LAMA2: variants seen among roughly 807,000 people sequenced by gnomAD.
The protein encoded by LAMA2 is laminin subunit alpha-2.
LAMA2 carries 269 observed loss-of-function variants against 364.8 expected under a neutral mutation model. The observed-to-expected ratio is 0.74, with a 90% CI of 0.67 to 0.82. The LOEUF (loss-of-function observed/expected upper bound fraction) is 0.82. Among genes scored for constraint, LAMA2 ranks in the 40% least tolerant of loss-of-function variants. The pLI, the probability that LAMA2 is intolerant of heterozygous loss-of-function variation, is 0.00. For missense variants in LAMA2, 3,807 were observed against 3,873.2 expected, an observed-to-expected ratio of 0.98 and a Z score of 0.45; for synonymous variants, 1,379 against 1,370.6, an observed-to-expected ratio of 1.01 and a Z score of -0.14.
At chr6:129,429,450 G>A (rs1042474092) in intron 41 of LAMA2, among the ~76,000 whole-genome samples, 34 of 152,130 alleles carry the variant, frequency 2.2e-4, no homozygotes, top group Admixed American at 7.2e-4. Context: ...AAGAGAAGAG[G>A]TTTTAAAATC....
chr6:129,165,687 A>G lies in LAMA2; in HGVS notation c.1306+12A>G. The G allele has an allele frequency of 1.3e-6, 2 of 1,523,272 alleles. No homozygotes were observed. Among genetic ancestry groups the G allele is most frequent in the Admixed American group, 3.4e-5 (2 of 59,598 alleles). 94.4% of individuals were successfully genotyped at this position (1,523,272 alleles called of 1,614,324 possible). A position where few individuals can be genotyped will look rare whatever the true frequency, so the allele number is the denominator to read the frequency against. Reference sequence around the variant, plus strand: ...ACATGCTCGACGAGGTGAGAGCTGCAGCAGAATGTCACTGCTCTGATAAAA... The same window carrying G: ...ACATGCTCGACGAGGTGAGAGCTGCGGCAGAATGTCACTGCTCTGATAAAA... On this transcript the variant is annotated intron_variant, in intron 9 of 64. Coordinates refer to ENST00000421865, the MANE Select transcript of LAMA2 (RefSeq NM_000426.4).
intron 7 of LAMA2, among the ~76,000 whole-genome samples, chr6:129,151,752 A>G (rs1030659331): frequency 1.3e-5 from 2 of 152,132 alleles, no homozygotes; most frequent in African/African-American, 2.4e-5. Context: ...CTCACTCACT[A>G]TCATGAGGAC....
At chr6:129,130,008 G>C (rs1457625331) in intron 4 of LAMA2, among the ~76,000 whole-genome samples, 1 of 152,086 alleles carries the variant, frequency 6.6e-6, no homozygotes, top group Non-Finnish European at 1.5e-5. Flanking sequence ...TAGCTGTTAG[G>C]AGGAAGCATT....
chr6:129,384,301 A>AAAC (rs1002094997), intron 35 of LAMA2, among the ~76,000 whole-genome samples: 7 of 152,086 alleles, frequency 4.6e-5, no homozygotes, highest in African/African-American at 1.4e-4. Flanking sequence ...CTCCAACCCA[A>AAAC]AACAACAACA....
At chr6:129,111,535 C>T (rs1776157108) in intron 4 of LAMA2, among the ~76,000 whole-genome samples, 1 of 151,844 alleles carries the variant, frequency 6.6e-6, no homozygotes, top group African/African-American at 2.4e-5. Context: ...TGGGAAATTG[C>T]CAATATTTGA....
chr6:129,515,480 T>C (rs1173680808), intron 64 of LAMA2, among the ~76,000 whole-genome samples: 2 of 152,182 alleles, frequency 1.3e-5, no homozygotes, highest in African/African-American at 2.4e-5. Flanking sequence ...TCTATGATAA[T>C]GGGATCCTAA....
In LAMA2 at chr6:129,502,804, C is replaced by T. The variant is rs368010830; in HGVS notation, c.8357+33C>T. 94 of 1,343,648 alleles carry T rather than the reference C, an allele frequency of 7.0e-5. No homozygotes were observed. The African/African-American group carries it at 9.3e-4, about 13-fold the overall frequency. The allele number at this position is 1,343,648 out of a possible 1,614,324, so 83.2% of individuals were successfully genotyped here. A position where few individuals can be genotyped will look rare whatever the true frequency, so the allele number is the denominator to read the frequency against. ...TCATCCTGAGACACTGGGAAAGAAC[C>T]GATAAATGAAGAACTGAGTATTTGT... On this transcript the variant is annotated intron_variant, in intron 59 of 64. Coordinates refer to ENST00000421865, the MANE Select transcript of LAMA2 (RefSeq NM_000426.4).
intron 10 of LAMA2, among the ~76,000 whole-genome samples, chr6:129,185,108 C>T (rs1450097499): frequency 6.6e-6 from 1 of 151,768 alleles, no homozygotes; most frequent in African/African-American, 2.4e-5. Flanking sequence ...ATTCCTGAAG[C>T]AATTATCACA....
chr6:129,411,481 A>G (rs934233113), intron 40 of LAMA2, among the ~76,000 whole-genome samples: 1 of 152,240 alleles, frequency 6.6e-6, no homozygotes, highest in Non-Finnish European at 1.5e-5. Flanking sequence ...AAAAAATAAC[A>G]TTATACAGAA....
intron 53 of LAMA2, among the ~76,000 whole-genome samples, chr6:129,476,539 G>GTAA (rs1326185563): frequency 1.3e-5 from 2 of 152,096 alleles, no homozygotes; most frequent in African/African-American, 4.8e-5. Context: ...TTTATCCCCT[G>GTAA]TAATTGTCCT....
chr6:129,075,095 T>C (rs1011206281), intron 3 of LAMA2, among the ~76,000 whole-genome samples: 2 of 152,154 alleles, frequency 1.3e-5, no homozygotes, highest in African/African-American at 2.4e-5. Context: ...CATAAGATTA[T>C]AATAAGATTA....
At chr6:129,192,146 A>C (rs1781554563) in intron 11 of LAMA2, among the ~76,000 whole-genome samples, 1 of 152,226 alleles carries the variant, frequency 6.6e-6, no homozygotes, top group South Asian at 2.1e-4. Context: ...TAGAAATTTT[A>C]AAAAGTGGGA....
intron 58 of LAMA2, among the ~76,000 whole-genome samples, chr6:129,499,156 T>C (rs1785427751): frequency 6.6e-6 from 1 of 152,200 alleles, no homozygotes; most frequent in Admixed American, 6.5e-5. Context: ...TCTGTCCTCC[T>C]TTCATATCCC....
chr6:129,019,687 A>G (rs1327758160), intron 1 of LAMA2, among the ~76,000 whole-genome samples: 1 of 152,074 alleles, frequency 6.6e-6, no homozygotes, highest in African/African-American at 2.4e-5. Context: ...CTTCTTTTCC[A>G]TGAGGGACTA....
chr6:129,378,559 G>A (rs558480631), intron 34 of LAMA2, among the ~76,000 whole-genome samples: 2 of 152,310 alleles, frequency 1.3e-5, no homozygotes, highest in Non-Finnish European at 1.5e-5. Context: ...TTTGAAATGT[G>A]TTAATTGACT....
chr6:129,411,778 G>A (rs1158907404), intron 40 of LAMA2, among the ~76,000 whole-genome samples: 1 of 152,054 alleles, frequency 6.6e-6, no homozygotes, highest in Non-Finnish European at 1.5e-5. Flanking sequence ...CAAAAGGAAT[G>A]TGAACAAAAT....
At chr6:129,451,555 C>T (rs1250019170) in intron 45 of LAMA2, among the ~76,000 whole-genome samples, 1 of 152,192 alleles carries the variant, frequency 6.6e-6, no homozygotes, top group Non-Finnish European at 1.5e-5. Context: ...ACACAGTGTC[C>T]TCTTCATGGA....
intron 40 of LAMA2, among the ~76,000 whole-genome samples, chr6:129,410,714 TTAGATAGATAGATAGA>T (rs36203052): frequency 2.0e-4 from 30 of 150,412 alleles, no homozygotes; most frequent in South Asian, 4.2e-4. Context: ...GATAGACAGA[TTAGATAGATAGATAGA>T]TAGATAGATA....
intron 28 of LAMA2, among the ~76,000 whole-genome samples, chr6:129,327,493 T>G (rs80128242): frequency 3.3e-5 from 5 of 152,166 alleles, no homozygotes; most frequent in African/African-American, 1.2e-4. Context: ...TACCTTTTAT[T>G]CATAAATCAA....
Sources: gnomAD v4.1 joint callset for allele counts (sites outside exome capture counted in the v4.1 genomes callset) on GRCh38, gnomAD v4.1.1 for gene constraint, MANE v1.5 for transcripts, NCBI Gene and HGNC (gene_info 2026-07-23, HGNC 2026-07-21) for gene names.